The following KLHL20 variants were observed in gnomAD, a reference collection of about 807,000 sequenced individuals.
KLHL20 encodes the protein kelch-like protein 20.
Under a neutral mutation model 69.5 loss-of-function variants are expected in KLHL20, and 29 were observed. The ratio of observed to expected loss-of-function variants is 0.42; its 90% CI spans 0.31 to 0.57. The LOEUF (loss-of-function observed/expected upper bound fraction) is 0.57. Ranked by LOEUF, KLHL20 falls within the 20% of genes least tolerant of loss-of-function variation. KLHL20 has a pLI of 0.18. For missense variants in KLHL20, 419 were observed against 776.0 expected, an observed-to-expected ratio of 0.54 and a Z score of 5.47; for synonymous variants, 253 against 265.2, an observed-to-expected ratio of 0.95 and a Z score of 0.45.
intron 3 of KLHL20, among the ~76,000 whole-genome samples, chr1:173,740,887 C>T (rs1023069407): frequency 1.3e-5 from 2 of 152,158 alleles, no homozygotes; most frequent in Non-Finnish European, 2.9e-5. Context: ...TGGAAATCTC[C>T]TTCTTTCTAT....
chr1:173,738,822 C>G (rs1672657243), intron 3 of KLHL20, among the ~76,000 whole-genome samples: 1 of 151,860 alleles, frequency 6.6e-6, no homozygotes, highest in Non-Finnish European at 1.5e-5. Flanking sequence ...TTAAACTATC[C>G]CTTCATCCCT....
intron 2 of KLHL20, among the ~76,000 whole-genome samples, chr1:173,720,554 G>A (rs745913289): frequency 1.3e-5 from 2 of 152,196 alleles, no homozygotes; most frequent in Non-Finnish European, 2.9e-5. Flanking sequence ...TGATTTCTAG[G>A]CACATAGGGG....
chr1:173,751,707 C>A (rs1360025977), intron 3 of KLHL20, 57 bp from the exon 4 acceptor site: 1 of 1,546,118 alleles, frequency 6.5e-7, no homozygotes, highest in African/African-American at 1.4e-5. Context: ...AAGAAAAACA[C>A]TGAGACAATA....
At chr1:173,737,255 T>C (rs11587190) in intron 3 of KLHL20, among the ~76,000 whole-genome samples, 8,250 of 152,300 alleles carry the variant, frequency 0.054, 324 homozygotes, top group Non-Finnish European at 0.083. Context: ...TCTTTGTTTT[T>C]GTTGCATTTG....
At chr1:173,735,397 G>A (rs1443921443) in intron 3 of KLHL20, among the ~76,000 whole-genome samples, 1 of 150,648 alleles carries the variant, frequency 6.6e-6, no homozygotes, top group Non-Finnish European at 1.5e-5. Flanking sequence ...AGTGAGCCAA[G>A]ATCGTGCCAC....
chr1:173,761,124 T>A (rs1647271611), intron 7 of KLHL20, among the ~76,000 whole-genome samples: 1 of 152,100 alleles, frequency 6.6e-6, no homozygotes, highest in African/African-American at 2.4e-5. Flanking sequence ...GCAACAGTGG[T>A]TAAAAGAGAC....
intron 2 of KLHL20, 85 bp downstream of exon 2, chr1:173,716,151 C>A: frequency 7.6e-7 from 1 of 1,321,718 alleles, no homozygotes; most frequent in Non-Finnish European, 1.1e-6. Context: ...GAGTTTCAAT[C>A]TTACTAAATT....
rs921629107 is a variant in KLHL20, at chr1:173,734,730, A to G, written c.597+444A>G. Among the ~76,000 whole-genome samples, 4 of 152,322 alleles carry G rather than the reference A, an allele frequency of 2.6e-5. No individual in the cohort carries two copies. In the South Asian group the frequency reaches 8.3e-4, roughly 32 times the overall value. ...TTTAGATGTTATCAAAATAATTTTC[A>G]TTAAACCTATCTTTCCCTTATTTAT... On this transcript the variant is annotated intron_variant, in intron 3 of 11. Transcript: ENST00000209884.
intron 7 of KLHL20, among the ~76,000 whole-genome samples, chr1:173,762,352 A>G (rs980854451): frequency 6.6e-6 from 1 of 152,122 alleles, no homozygotes; most frequent in Non-Finnish European, 1.5e-5. Context: ...GAAAGAAGGA[A>G]CCCTCCCTAA....
At chr1:173,727,441 A>G (rs1229208406) in intron 2 of KLHL20, among the ~76,000 whole-genome samples, 1 of 152,186 alleles carries the variant, frequency 6.6e-6, no homozygotes, top group East Asian at 1.9e-4. Context: ...TCCAAGACAC[A>G]TAATTGTCAG....
At chr1:173,763,418 C>A (rs1647449633) in intron 7 of KLHL20, among the ~76,000 whole-genome samples, 1 of 151,942 alleles carries the variant, frequency 6.6e-6, no homozygotes, top group African/African-American at 2.4e-5. Flanking sequence ...AAAAAGAGCC[C>A]ACATAGCCAA....
chr1:173,775,602 T>C (rs1648405586), intron 9 of KLHL20, 32 bp from the exon 10 acceptor site: 1 of 1,576,616 alleles, frequency 6.3e-7, no homozygotes, highest in African/African-American at 1.3e-5. Flanking sequence ...AATGGTTGAA[T>C]GCTCACTTAC....
At chr1:173,721,076 A>G (rs1177873494) in intron 2 of KLHL20, among the ~76,000 whole-genome samples, 1 of 152,178 alleles carries the variant, frequency 6.6e-6, no homozygotes, top group African/African-American at 2.4e-5. Flanking sequence ...TGTAGTGAGT[A>G]CCAGGGGTGT....
At position 173,734,115 on chromosome 1, in the gene KLHL20, G is replaced by A. The variant is rs755143448; in HGVS notation, c.426G>A (p.Leu142=). The change falls in exon 3 of 12, where the codon CTG becomes CTA. Residue 142 remains leucine (L), a synonymous_variant. Transcript: ENST00000209884. ...AAGAGGGCAATGTTCAGACTCTTCT[G>A]CCAGCTGCTTGCCTCCTCCAGCTGG... The part of the protein sequence containing the change: ...TVEEGNVQTL[L]PAACLLQLAE... The A allele has an allele frequency of 1.2e-6, 2 of 1,614,204 alleles. No homozygotes were observed. The highest frequency in any genetic ancestry group is 2.2e-5 in the East Asian group (1 of 44,884).
At chr1:173,716,503 A>G (rs1671475417) in intron 2 of KLHL20, among the ~76,000 whole-genome samples, 1 of 152,152 alleles carries the variant, frequency 6.6e-6, no homozygotes, top group East Asian at 1.9e-4. Flanking sequence ...TGTTCTGTTA[A>G]TTAAAATAGC....
rs1384903956 is a variant in KLHL20 at position 173,733,734 on chromosome 1, A to G, written c.45A>G (p.Gly15=). The G allele has an allele frequency of 1.2e-6, 2 of 1,613,662 alleles. No individual in the cohort carries two copies. The highest frequency in any genetic ancestry group is 2.7e-5 in the African/African-American group (2 of 74,902). ...PMRRCTNIRP[G]ETGMDVTSRC... is the part of the protein sequence containing the mutation. ...ATAGGTGTACCAACATTCGACCAGGAGAGACTGGAATGGATGTAACAAGCC... is the reference window on the plus strand; with the variant it reads ...ATAGGTGTACCAACATTCGACCAGGGGAGACTGGAATGGATGTAACAAGCC... The change falls in exon 3 of 12, where the codon GGA becomes GGG. Residue 15 remains glycine (G), a synonymous_variant. Transcript: ENST00000209884.
At chr1:173,731,082 A>G (rs1672252069) in intron 2 of KLHL20, among the ~76,000 whole-genome samples, 1 of 152,220 alleles carries the variant, frequency 6.6e-6, no homozygotes, top group Non-Finnish European at 1.5e-5. Flanking sequence ...TTCTCAAAAG[A>G]AGACATTTAT....
At chr1:173,760,290 C>T (rs1295135524) in intron 7 of KLHL20, among the ~76,000 whole-genome samples, 1 of 143,546 alleles carries the variant, frequency 7.0e-6, no homozygotes, top group Non-Finnish European at 1.6e-5. Context: ...GCCTGGAAAA[C>T]ATACTCGGGA....
Position 173,733,960 on chromosome 1 carries a change from C to T in KLHL20, c.271C>T (p.Pro91Ser). The change falls in exon 3 of 12, where the codon CCC becomes TCC. Residue 91 changes from proline to serine, a missense_variant. Pro to Ser is a moderately conservative substitution (Grantham distance 74). This residue lies in a region of KLHL20 where 129 missense variants were observed against 183.6 expected (regional missense o/e 0.70). Coordinates refer to ENST00000209884, the MANE Select transcript of KLHL20 (RefSeq NM_014458.4). Reference sequence around the variant, plus strand: ...TCGAGTCATTTTGTCAGCCTGTAGTCCCTACTTCCGAGCTATGTTTACAGG... The same window carrying T: ...TCGAGTCATTTTGTCAGCCTGTAGTTCCTACTTCCGAGCTATGTTTACAGG... Reference protein sequence around the residue: ...AHRVILSACSPYFRAMFTGEL... With the variant: ...AHRVILSACSSYFRAMFTGEL... 2 of 1,614,192 alleles carry T rather than the reference C, an allele frequency of 1.2e-6. No homozygotes were observed. Among genetic ancestry groups the T allele is most frequent in the Non-Finnish European group, 1.7e-6 (2 of 1,180,034 alleles).
Sources: allele counts gnomAD v4.1 joint callset (sites outside exome capture counted in the v4.1 genomes callset), GRCh38; gene constraint gnomAD v4.1.1; regional missense constraint gnomAD v4.1.1; transcripts MANE v1.5; gene names NCBI Gene and HGNC (gene_info 2026-07-23, HGNC 2026-07-21).